Variants in LIN7C observed in about 807,000 individuals in gnomAD.
LIN7C encodes the protein protein lin-7 homolog C.
A neutral mutation model predicts 24.7 loss-of-function variants in LIN7C; 17 were observed. The ratio of observed to expected loss-of-function variants is 0.69; its 90% CI spans 0.47 to 1.03. The LOEUF (loss-of-function observed/expected upper bound fraction) is 1.03. Among genes scored for constraint, LIN7C ranks in the 50% least tolerant of loss-of-function variants. The pLI is 0.00. For synonymous variants in LIN7C, 90 were observed against 83.4 expected (o/e 1.08, Z -0.43); for missense variants, 204 against 239.0 (o/e 0.85, Z 0.97).
intron 1 of LIN7C, among the ~76,000 whole-genome samples, chr11:27,503,082 TC>T (rs1323266475): frequency 6.6e-6 from 1 of 152,132 alleles, no homozygotes; most frequent in African/African-American, 2.4e-5. Context: ...GCCACTGCAC[TC>T]CAGCCTGGGT....
In LIN7C at chr11:27,498,590, G is replaced by A; in HGVS notation, c.*59C>T. 1 of 1,506,520 alleles carries A rather than the reference G, an allele frequency of 6.6e-7. No homozygotes were observed. The highest frequency in any genetic ancestry group is 9.1e-7 in the Non-Finnish European group (1 of 1,097,954). The allele number at this position is 1,506,520 out of a possible 1,614,324, so 93.3% of individuals were successfully genotyped here. On this transcript the variant is annotated 3_prime_UTR_variant, in exon 5 of 5. Coordinates refer to ENST00000278193, the MANE Select transcript of LIN7C (RefSeq NM_018362.4). ...TCATTGGCATTGCAGCCATTAGTAA[G>A]TCACAAGGAAAACTTCTCTAGCTAA...
chr11:27,497,209 T>G lies in LIN7C; in HGVS notation c.*1440A>C, dbSNP rs897134551. On this transcript the variant is annotated 3_prime_UTR_variant, in exon 5 of 5. Coordinates refer to ENST00000278193, the MANE Select transcript of LIN7C (RefSeq NM_018362.4). ...CTGAGACTCACAGTGATCACAAACA[T>G]GCAGAAAAAAGCATACAATTCTATT... 2.0e-5 allele frequency: 3 copies of G among 152,550 alleles called. No individual in the cohort carries two copies. Among genetic ancestry groups the G allele is most frequent in the Non-Finnish European group, 4.4e-5 (3 of 67,966 alleles). The allele number at this position is 152,550 out of a possible 1,614,324, so 9.4% of individuals were successfully genotyped here.
chr11:27,498,592 C>A lies in LIN7C; in HGVS notation c.*57G>T. The A allele has an allele frequency of 6.5e-7, 1 of 1,527,216 alleles. No homozygotes were observed. The highest frequency in any genetic ancestry group is 1.2e-5 in the South Asian group (1 of 83,616). The allele number at this position is 1,527,216 out of a possible 1,614,324, so 94.6% of individuals were successfully genotyped here. On this transcript the variant is annotated 3_prime_UTR_variant, in exon 5 of 5. Transcript: ENST00000278193. ...ATTGGCATTGCAGCCATTAGTAAGT[C>A]ACAAGGAAAACTTCTCTAGCTAAAA...
intron 4 of LIN7C, 100 bp downstream of exon 4, chr11:27,499,259 A>T: frequency 2.2e-6 from 2 of 926,722 alleles, no homozygotes; most frequent in Non-Finnish European, 3.4e-6. Context: ...CCCTCAAGGC[A>T]TTTCTAAACC....
chr11:27,501,451 T>G, intron 3 of LIN7C, 44 bp downstream of exon 3: 1 of 1,210,400 alleles, frequency 8.3e-7, no homozygotes, highest in Non-Finnish European at 1.2e-6. Flanking sequence ...TTTAAACTTC[T>G]AATTTATGAA....
intron 1 of LIN7C, among the ~76,000 whole-genome samples, chr11:27,504,776 A>G (rs1354495123): frequency 2.6e-5 from 4 of 152,230 alleles, no homozygotes; most frequent in African/African-American, 9.6e-5. Context: ...AACAGTTGTT[A>G]TATCACATTG....
chr11:27,495,085 A>G lies in LIN7C; in HGVS notation c.*3564T>C, dbSNP rs923885907. 1 of 152,674 alleles carries G rather than the reference A, an allele frequency of 6.5e-6. No homozygotes were observed. The highest frequency in any genetic ancestry group is 1.5e-5 in the Non-Finnish European group (1 of 68,036). 9.5% of individuals were successfully genotyped at this position (152,674 alleles called of 1,614,324 possible). The stretch of plus-strand genomic sequence containing the variant: ...ATGCTATAATATCCATTTTAATTGT[A>G]AACAAAGTACTTGAGCCAGACTACT... On this transcript the variant is annotated 3_prime_UTR_variant, in exon 5 of 5. Coordinates refer to ENST00000278193, the MANE Select transcript of LIN7C (RefSeq NM_018362.4).
chr11:27,501,771 A>T (rs2133489549), intron 2 of LIN7C, 31 bp downstream of exon 2: 2 of 1,427,502 alleles, frequency 1.4e-6, no homozygotes, highest in Middle Eastern at 1.8e-4. Context: ...ATTAACTCAA[A>T]TTTTTGTAAA....
At chr11:27,503,507 A>C (rs1332044729) in intron 1 of LIN7C, among the ~76,000 whole-genome samples, 1 of 152,036 alleles carries the variant, frequency 6.6e-6, no homozygotes, top group East Asian at 1.9e-4. Context: ...AAATGTAGTA[A>C]AGAAAGATAT....
At position 27,497,726 on chromosome 11, in the gene LIN7C, T is replaced by G. The variant is rs1230088723; in HGVS notation, c.*923A>C. 3 of 152,122 alleles carry G rather than the reference T, an allele frequency of 2.0e-5. No homozygotes were observed. Among genetic ancestry groups the G allele is most frequent in the Non-Finnish European group, 4.4e-5 (3 of 67,944 alleles). 9.4% of individuals were successfully genotyped at this position (152,122 alleles called of 1,614,324 possible). ...AAAGGTATTACTTTTCCTTCTTTGC[T>G]TCAGCTACTTCCCACCACCAAATAA... On this transcript the variant is annotated 3_prime_UTR_variant, in exon 5 of 5. Transcript: ENST00000278193.
intron 1 of LIN7C, among the ~76,000 whole-genome samples, chr11:27,506,234 C>G (rs1256364792): frequency 6.6e-6 from 1 of 152,224 alleles, no homozygotes; most frequent in Non-Finnish European, 1.5e-5. Flanking sequence ...ATACCCCAAC[C>G]CGAATACAAG....
rs569324382 is a variant in LIN7C, at chr11:27,496,230, G to C, written c.*2419C>G. The C allele has an allele frequency of 1.4e-4, 21 of 151,660 alleles. No homozygotes were observed. Among genetic ancestry groups the C allele is most frequent in the Middle Eastern group, 6.9e-3 (2 of 290 alleles). 9.4% of individuals were successfully genotyped at this position (151,660 alleles called of 1,614,324 possible). ...CCAGGTATCAATTTTTTAAAGCTCT[G>C]CCAGGCTAATATGTAGCTAAGATTG... is the stretch of plus-strand genomic sequence containing the variant. On this transcript the variant is annotated 3_prime_UTR_variant, in exon 5 of 5. Coordinates refer to ENST00000278193, the MANE Select transcript of LIN7C (RefSeq NM_018362.4).
chr11:27,502,035 G>T, intron 1 of LIN7C, 115 bp from the exon 2 acceptor site: 1 of 646,996 alleles, frequency 1.5e-6, no homozygotes. Flanking sequence ...GACAATCGAG[G>T]GGAAAAAAAG....
At chr11:27,504,571 G>A (rs968966930) in intron 1 of LIN7C, among the ~76,000 whole-genome samples, 6 of 152,230 alleles carry the variant, frequency 3.9e-5, no homozygotes, top group African/African-American at 1.4e-4. Context: ...CCTGCTAAAT[G>A]GCAACCACTA....
Position 27,506,741 on chromosome 11 carries a change from T to C in LIN7C, c.12A>G (p.Leu4=). Residue 4 remains leucine (L), a synonymous_variant, in exon 1 of 5, where the codon CTA becomes CTG. Transcript: ENST00000278193. The stretch of plus-strand genomic sequence containing the variant: ...CTCTCTCCAGCCGCACGGGTTCCCC[T>C]AGCGCCGCCATCTTCTCCCTTAACC... MAA[L]GEPVRLERDI... 1 of 1,614,060 alleles carries C rather than the reference T, an allele frequency of 6.2e-7. No homozygotes were observed. The highest frequency in any genetic ancestry group is 2.2e-5 in the East Asian group (1 of 44,852).
intron 1 of LIN7C, among the ~76,000 whole-genome samples, chr11:27,506,011 G>T (rs1441600592): frequency 1.3e-5 from 2 of 152,200 alleles, no homozygotes; most frequent in Non-Finnish European, 2.9e-5. Context: ...AGCAGAGGTG[G>T]TTTTATTTTC....
rs1392233920 is a variant in LIN7C, at chr11:27,505,400, T to C, written c.37+1316A>G. ...CTTAACTAGCTTTCAAAGAAAAAAC[T>C]TACTCCTGTTAACACCAAACAGATT... is the stretch of plus-strand genomic sequence containing the variant. On this transcript the variant is annotated intron_variant, in intron 1 of 4. Transcript: ENST00000278193. Among the ~76,000 whole-genome samples, 3 of 152,156 alleles carry C rather than the reference T, an allele frequency of 2.0e-5. No homozygotes were observed. The East Asian group carries it at 5.8e-4, about 29-fold the overall frequency.
At chr11:27,501,396 G>A in intron 3 of LIN7C, 99 bp downstream of exon 3, 1 of 753,240 alleles carries the variant, frequency 1.3e-6, no homozygotes, top group Non-Finnish European at 2.2e-6. Flanking sequence ...AAAGATACAT[G>A]TTAGTCTTCA....
At chr11:27,501,174 G>A (rs1565113743) in intron 3 of LIN7C, among the ~76,000 whole-genome samples, 1 of 151,966 alleles carries the variant, frequency 6.6e-6, no homozygotes, top group Admixed American at 6.6e-5. Flanking sequence ...ATTAGATTTT[G>A]TATAATGAAT....
Sources: gnomAD v4.1 joint callset for allele counts (sites outside exome capture counted in the v4.1 genomes callset) on GRCh38, gnomAD v4.1.1 for gene constraint, MANE v1.5 for transcripts, NCBI Gene and HGNC (gene_info 2026-07-23, HGNC 2026-07-21) for gene names.